Variants in DGKI observed in about 807,000 individuals in gnomAD.
DGKI encodes DAG kinase iota.
In DGKI, 55 loss-of-function variants were observed where a neutral mutation model predicts 147.5. The ratio of observed to expected loss-of-function variants is 0.37; its 90% confidence interval spans 0.30 to 0.47. The LOEUF (loss-of-function observed/expected upper bound fraction) is 0.47. Ranked by LOEUF, DGKI falls within the 20% of genes least tolerant of loss-of-function variation. The pLI, the probability that DGKI is intolerant of heterozygous loss-of-function variation, is 1.00. For missense variants in DGKI, 1,007 were observed against 1,323.8 expected (o/e 0.76, Z 3.71); for synonymous variants, 469 against 477.1 (o/e 0.98, Z 0.22).
At chr7:137,718,054 G>A (rs1162498734) in intron 1 of DGKI, among the ~76,000 whole-genome samples, 1 of 152,132 alleles carries the variant, frequency 6.6e-6, no homozygotes, top group Admixed American at 6.5e-5. Flanking sequence ...AGAATGAGGA[G>A]TGATGACTCA....
At chr7:137,777,527 G>A (rs561800100) in intron 1 of DGKI, among the ~76,000 whole-genome samples, 11 of 152,300 alleles carry the variant, frequency 7.2e-5, no homozygotes, top group African/African-American at 2.2e-4. Flanking sequence ...CTGTAGCCAC[G>A]CCAATTAAAG....
intron 1 of DGKI, among the ~76,000 whole-genome samples, chr7:137,784,389 G>GAATGATAAA (rs1162858920): frequency 6.6e-6 from 1 of 152,044 alleles, no homozygotes; most frequent in Non-Finnish European, 1.5e-5. Flanking sequence ...GGACATTATA[G>GAATGATAAA]AATGATAAAA....
intron 1 of DGKI, among the ~76,000 whole-genome samples, chr7:137,808,101 ATATT>A (rs779768051): frequency 3.8e-4 from 58 of 152,256 alleles, no homozygotes; most frequent in Non-Finnish European, 6.6e-4. Flanking sequence ...GTTCATGTTG[ATATT>A]GGTGTGTTTT....
At chr7:137,649,771 ATG>A (rs1563131861) in intron 5 of DGKI, among the ~76,000 whole-genome samples, 1 of 147,154 alleles carries the variant, frequency 6.8e-6, no homozygotes, top group Admixed American at 6.8e-5. Context: ...TTATATATAT[ATG>A]TATATATATA....
At chr7:137,552,608 A>G in intron 19 of DGKI, 40 bp from the exon 20 acceptor site, 1 of 1,604,614 alleles carries the variant, frequency 6.2e-7, no homozygotes, top group Non-Finnish European at 8.5e-7. Flanking sequence ...GGAGTTAGTT[A>G]TTATTTAAGA....
At chr7:137,842,300 A>T (rs1170446545) in intron 1 of DGKI, among the ~76,000 whole-genome samples, 1 of 152,242 alleles carries the variant, frequency 6.6e-6, no homozygotes, top group Non-Finnish European at 1.5e-5. Context: ...TTGTAATAAC[A>T]CAACCTTACT....
chr7:137,429,613 G>C (rs1317737607), intron 28 of DGKI, among the ~76,000 whole-genome samples: 6 of 151,904 alleles, frequency 3.9e-5, no homozygotes, highest in Non-Finnish European at 8.8e-5. Context: ...AGAGTGAACA[G>C]GTAACCTACA....
intron 1 of DGKI, among the ~76,000 whole-genome samples, chr7:137,788,530 T>A (rs966221811): frequency 1.3e-5 from 2 of 152,036 alleles, no homozygotes; most frequent in Non-Finnish European, 2.9e-5. Flanking sequence ...ATCATCCATG[T>A]GTTTTCTAAA....
intron 1 of DGKI, among the ~76,000 whole-genome samples, chr7:137,829,609 C>A (rs1443250432): frequency 6.6e-6 from 1 of 152,232 alleles, no homozygotes; most frequent in Non-Finnish European, 1.5e-5. Flanking sequence ...AACCGGATTT[C>A]AAATTTAGTT....
chr7:137,492,332 G>A (rs1358610402), intron 21 of DGKI, among the ~76,000 whole-genome samples: 4 of 152,260 alleles, frequency 2.6e-5, no homozygotes, highest in South Asian at 2.1e-4. Flanking sequence ...ATCTGCCATC[G>A]AGAGACCAGG....
chr7:137,644,581 C>T (rs1274267505), intron 6 of DGKI, among the ~76,000 whole-genome samples: 1 of 152,148 alleles, frequency 6.6e-6, no homozygotes, highest in Admixed American at 6.5e-5. Flanking sequence ...AATGCTTGAC[C>T]CAAAGGAGTC....
At chr7:137,782,550 G>A (rs191752138) in intron 1 of DGKI, among the ~76,000 whole-genome samples, 50 of 152,246 alleles carry the variant, frequency 3.3e-4, no homozygotes, top group African/African-American at 1.2e-3. Flanking sequence ...AATCTCTTGG[G>A]AGCTCTATGG....
chr7:137,705,720 GAA>G (rs753731231), intron 1 of DGKI, among the ~76,000 whole-genome samples: 2 of 151,904 alleles, frequency 1.3e-5, no homozygotes, highest in Non-Finnish European at 2.9e-5. Context: ...TTACAAAAAA[GAA>G]AAAGGCATGT....
chr7:137,607,057 C>T (rs750497706), intron 10 of DGKI, among the ~76,000 whole-genome samples: 65 of 152,236 alleles, frequency 4.3e-4, no homozygotes, highest in Non-Finnish European at 8.8e-4. Flanking sequence ...TTCAGAAAGG[C>T]ACCACTGAGC....
chr7:137,771,099 A>AT (rs1200190729), intron 1 of DGKI, among the ~76,000 whole-genome samples: 1 of 151,452 alleles, frequency 6.6e-6, no homozygotes, highest in Admixed American at 6.6e-5. Flanking sequence ...ATTTTTATTT[A>AT]TTTTTTTTGA....
At chr7:137,523,673 G>A (rs1284895728) in intron 20 of DGKI, among the ~76,000 whole-genome samples, 4 of 152,044 alleles carry the variant, frequency 2.6e-5, no homozygotes, top group Non-Finnish European at 5.9e-5. Context: ...GTGTTTGTTG[G>A]GTATTTACTT....
intron 10 of DGKI, among the ~76,000 whole-genome samples, chr7:137,601,208 T>C (rs1387785287): frequency 1.3e-5 from 2 of 152,020 alleles, no homozygotes; most frequent in African/African-American, 4.8e-5. Context: ...GAGGCGGAGC[T>C]TGCAGTGAGC....
chr7:137,424,943 C>T (rs1171648210), intron 28 of DGKI, among the ~76,000 whole-genome samples: 2 of 152,246 alleles, frequency 1.3e-5, no homozygotes, highest in African/African-American at 4.8e-5. Flanking sequence ...CCTCTGTAGG[C>T]TCCACCTCTG....
In DGKI at chr7:137,525,086, G is replaced by A. The variant is rs188883326; in HGVS notation, c.2148-3120C>T. On this transcript the variant is annotated intron_variant, in intron 20 of 32. Transcript: ENST00000614521. ...CACTACTCCACCCTAACTTCCAGGG[G>A]GCACACCATGGCATAAAAGACACTA... is the stretch of plus-strand genomic sequence containing the variant. Among the ~76,000 whole-genome samples, 15 of 143,708 alleles carry A rather than the reference G, an allele frequency of 1.0e-4. 1 individual carries two copies. The highest frequency in any genetic ancestry group is 1.0e-3 in the Admixed American group (15 of 14,776). 94.3% of individuals were successfully genotyped at this position (143,708 alleles called of 152,430 possible). A position where few individuals can be genotyped will look rare whatever the true frequency, so the allele number is the denominator to read the frequency against.
Sources: gnomAD v4.1 joint callset for allele counts (sites outside exome capture counted in the v4.1 genomes callset) on GRCh38, gnomAD v4.1.1 for gene constraint, MANE v1.5 for transcripts, NCBI Gene and HGNC (gene_info 2026-07-23, HGNC 2026-07-21) for gene names.